Variants in NOTCH3 observed in about 807,000 individuals in gnomAD.
NOTCH3 encodes the protein notch receptor 3, also known as neurogenic locus notch homolog protein 3.
NOTCH3 carries 86 observed loss-of-function variants against 213.3 expected under a neutral mutation model. The ratio of observed to expected loss-of-function variants is 0.40; its 90% CI spans 0.34 to 0.48. The LOEUF is 0.48. Among genes scored for constraint, NOTCH3 ranks in the 20% least tolerant of loss-of-function variants. NOTCH3 has a pLI of 0.57. For synonymous variants in NOTCH3, 1,354 were observed against 1,355.9 expected (o/e 1.00, Z 0.03); for missense variants, 2,783 against 3,272.6 (o/e 0.85, Z 3.65).
intron 1 of NOTCH3, among the ~76,000 whole-genome samples, chr19:15,199,000 A>G (rs1489250343): frequency 6.6e-6 from 1 of 152,198 alleles, no homozygotes; most frequent in African/African-American, 2.4e-5. Flanking sequence ...GCATGGGCCT[A>G]CATAGTATAT....
chr19:15,183,267 T>C (rs1387747461), intron 16 of NOTCH3, among the ~76,000 whole-genome samples: 1 of 152,102 alleles, frequency 6.6e-6, no homozygotes, highest in Non-Finnish European at 1.5e-5. Context: ...AATAAATAAA[T>C]AAATATAAAA....
At chr19:15,176,855 A>C (rs1266678046) in intron 24 of NOTCH3, among the ~76,000 whole-genome samples, 1 of 150,554 alleles carries the variant, frequency 6.6e-6, no homozygotes, top group East Asian at 2.0e-4. Context: ...GGCGGATCAC[A>C]AGGTCAGGAG....
intron 24 of NOTCH3, among the ~76,000 whole-genome samples, chr19:15,174,685 C>T (rs2046773348): frequency 6.6e-6 from 1 of 151,950 alleles, no homozygotes; most frequent in African/African-American, 2.4e-5. Context: ...GCGATTCTCC[C>T]GCCTCAGCCT....
chr19:15,162,280 CCATTAGG>C (rs1361187388), intron 32 of NOTCH3, 178 bp downstream of exon 32: 1 of 606,004 alleles, frequency 1.7e-6, no homozygotes, highest in Non-Finnish European at 3.0e-6. Flanking sequence ...CCACACCCAG[CCATTAGG>C]CACAAAATTT....
At chr19:15,176,925 A>C (rs1159614191) in intron 24 of NOTCH3, among the ~76,000 whole-genome samples, 1 of 150,640 alleles carries the variant, frequency 6.6e-6, no homozygotes, top group Non-Finnish European at 1.5e-5. Flanking sequence ...ACAAAAAAAA[A>C]GCCAGGCGTG....
Position 15,160,591 on chromosome 19 carries a change from G to A in NOTCH3, c.*71C>T. On this transcript the variant is annotated 3_prime_UTR_variant, in exon 33 of 33. Transcript: ENST00000263388. ...GATGAAAAAGACTAAAAGGAAGGAA[G>A]AGACAGAGAAAGAAAGGAGGCAGGA... 1.7e-6 allele frequency: 2 copies of A among 1,165,818 alleles called. No individual in the cohort carries two copies. The highest frequency in any genetic ancestry group is 2.6e-6 in the Non-Finnish European group (2 of 770,976). The allele number at this position is 1,165,818 out of a possible 1,614,324, so 72.2% of individuals were successfully genotyped here. A position where few individuals can be genotyped will look rare whatever the true frequency, so the allele number is the denominator to read the frequency against.
At chr19:15,171,826 C>T (rs1410257320) in intron 25 of NOTCH3, among the ~76,000 whole-genome samples, 1 of 152,132 alleles carries the variant, frequency 6.6e-6, no homozygotes, top group Non-Finnish European at 1.5e-5. Context: ...CGCGCTGCCA[C>T]GCCCAGGTAA....
chr19:15,178,233 A>AC (rs376375415), intron 23 of NOTCH3, 143 bp from the exon 24 acceptor site: 1 of 553,514 alleles, frequency 1.8e-6, no homozygotes, highest in East Asian at 3.2e-5. Context: ...GAAGGTTGAG[A>AC]CCCCCTCAAC....
intron 1 of NOTCH3, 122 bp downstream of exon 1, chr19:15,200,666 C>A: frequency 1.4e-6 from 1 of 731,556 alleles, no homozygotes; most frequent in South Asian, 6.6e-5. Context: ...GCCCGGGGCT[C>A]CTGCGCCCCT....
rs1404986621 is a variant in NOTCH3 at position 15,187,332 on chromosome 19, T to G, written c.1613A>C (p.Glu538Ala). ...CACGTTGCGATCACACAGCGTGCCC[T>G]CAAAGCCTGTGGGGCCAAGAGGGTC... ...GYECRCAEGF[E>A]GTLCDRNVDD... Residue 538 changes from glutamate to alanine, a missense_variant, in exon 11 of 33, where the codon GAG becomes GCG. Physicochemically the swap from Glu to Ala is moderately radical, Grantham distance 107. This residue lies in a region of NOTCH3 where 708 missense variants were observed against 906.6 expected (regional missense o/e 0.78). Coordinates refer to ENST00000263388, the MANE Select transcript of NOTCH3 (RefSeq NM_000435.3). 14 of 1,612,810 alleles carry G rather than the reference T, an allele frequency of 8.7e-6. No individual in the cohort carries two copies. The highest frequency in any genetic ancestry group is 1.1e-5 in the Non-Finnish European group (13 of 1,179,610).
At chr19:15,166,368 C>T (rs1599365518) in intron 29 of NOTCH3, among the ~76,000 whole-genome samples, 1 of 150,908 alleles carries the variant, frequency 6.6e-6, no homozygotes, top group East Asian at 1.9e-4. Context: ...CCACCTTGAT[C>T]CTCCAAAGGG....
chr19:15,161,773 C>G, intron 32 of NOTCH3, 59 bp from the exon 33 acceptor site: 1 of 1,497,380 alleles, frequency 6.7e-7, no homozygotes, highest in Non-Finnish European at 9.2e-7. Flanking sequence ...GCAAAGTCTT[C>G]CAGCCTCTTG....
intron 2 of NOTCH3, 59 bp downstream of exon 2, chr19:15,197,441 G>GCCCCCCCCCCCCCCCCCCCCC: frequency 2.6e-6 from 2 of 768,364 alleles, no homozygotes; most frequent in African/African-American, 1.7e-5. Context: ...AAGACAAATC[G>GCCCCCCCCCCCCCCCCCCCCC]CCCCTCCCCC....
chr19:15,180,363 C>A, intron 19 of NOTCH3, 107 bp from the exon 20 acceptor site: 1 of 1,230,450 alleles, frequency 8.1e-7, no homozygotes, highest in Non-Finnish European at 1.2e-6. Context: ...TCCCCAGGAT[C>A]GCACCCACAC....
In NOTCH3 at chr19:15,162,560, T is replaced by C; in HGVS notation, c.5818A>G (p.Lys1940Glu). ...GCCGCAGCCCAGTGTAAGGCTGATT[T>C]CCCTGGAGGATGAAGGGGAGAGAGG... Reference protein sequence around the residue: ...ADVNAVDELGKSALHWAAAVN... With the variant: ...ADVNAVDELGESALHWAAAVN... The change falls in exon 32 of 33, where the codon AAA (lysine) becomes GAA (glutamate). Residue 1940 changes from lysine to glutamate, a missense_variant and splice_region_variant. By Grantham distance (56) the Lys-to-Glu change is moderately conservative. Transcript: ENST00000263388. 1 of 1,613,570 alleles carries C rather than the reference T, an allele frequency of 6.2e-7. No homozygotes were observed. The highest frequency in any genetic ancestry group is 1.1e-5 in the South Asian group (1 of 91,056).
chr19:15,175,611 ACACG>A (rs199896116), intron 24 of NOTCH3, among the ~76,000 whole-genome samples: 16,475 of 141,446 alleles, frequency 0.12, 1,278 homozygotes, highest in East Asian at 0.2. Flanking sequence ...ACACACACAC[ACACG>A]CACGCACACA....
At chr19:15,194,063 C>G (rs1221925579) in intron 2 of NOTCH3, among the ~76,000 whole-genome samples, 1 of 152,096 alleles carries the variant, frequency 6.6e-6, no homozygotes, top group African/African-American at 2.4e-5. Context: ...GCCTGGGTGA[C>G]AGAGAGAGAC....
chr19:15,161,173 G>A lies in NOTCH3; in HGVS notation c.6455C>T (p.Pro2152Leu). Residue 2152 changes from proline (P) to leucine (L), a missense_variant, in exon 33 of 33, where the codon CCC (proline) becomes CTC (leucine). By Grantham distance (98) the Pro-to-Leu change is moderately conservative (BLOSUM62 -3). Transcript: ENST00000263388. ...GPGRAGLGRQPPGGCVLSLGL... is the reference protein window; with the variant it reads ...GPGRAGLGRQLPGGCVLSLGL... ...CAGGCTGAGTACACATCCTCCAGGG[G>A]GCTGGCGCCCTAGACCCGCCCGGCC... The A allele has an allele frequency of 6.5e-7, 1 of 1,539,332 alleles. No individual in the cohort carries two copies. The highest frequency in any genetic ancestry group is 8.7e-7 in the Non-Finnish European group (1 of 1,148,700).
Position 15,168,691 on chromosome 19 carries a change from G to A in NOTCH3, c.5200-1280C>T, listed in dbSNP as rs183487092. ...TCTACTAAAAATACAAAAATTAGCC[G>A]GGCATGGTAGCACATGCCTATAATC... On this transcript the variant is annotated intron_variant, in intron 28 of 32. Transcript: ENST00000263388. Among the ~76,000 whole-genome samples, 58 of 152,088 alleles carry A rather than the reference G, an allele frequency of 3.8e-4. No individual in the cohort carries two copies. The East Asian group carries it at 7.8e-3, about 20-fold the overall frequency.
Sources: gnomAD v4.1 joint callset for allele counts (sites outside exome capture counted in the v4.1 genomes callset) on GRCh38, gnomAD v4.1.1 for gene constraint, gnomAD v4.1.1 regional missense constraint, MANE v1.5 for transcripts, NCBI Gene and HGNC (gene_info 2026-07-23, HGNC 2026-07-21) for gene names.